SLC16A7: variants seen among roughly 807,000 people sequenced by gnomAD.
SLC16A7 encodes monocarboxylate transporter 2.
Under a neutral mutation model 34.9 loss-of-function variants are expected in SLC16A7, and 33 were observed. The observed-to-expected ratio is 0.94, with a 90% CI of 0.72 to 1.26. The LOEUF (loss-of-function observed/expected upper bound fraction) is 1.26. SLC16A7 is among the 50% of genes most tolerant of loss of function. The pLI, the probability that SLC16A7 is intolerant of heterozygous loss-of-function variation, is 0.00. For missense variants in SLC16A7, 573 were observed against 578.1 expected (o/e 0.99, Z 0.09); for synonymous variants, 201 against 206.6 (o/e 0.97, Z 0.23).
At chr12:59,606,682 A>G (rs1394424067) in intron 1 of SLC16A7, among the ~76,000 whole-genome samples, 1 of 152,196 alleles carries the variant, frequency 6.6e-6, no homozygotes, top group Non-Finnish European at 1.5e-5. Context: ...CTTGGCTCCC[A>G]TACCTTAAAT....
chr12:59,614,054 C>CTTT (rs373589268), intron 1 of SLC16A7, among the ~76,000 whole-genome samples: 5 of 136,824 alleles, frequency 3.7e-5, no homozygotes, highest in Non-Finnish European at 4.8e-5. Flanking sequence ...GAATGAGAGC[C>CTTT]TTTTTTTTTT....
intron 2 of SLC16A7, among the ~76,000 whole-genome samples, chr12:59,704,115 G>C (rs1416245467): frequency 4.1e-5 from 6 of 144,970 alleles, no homozygotes; most frequent in Non-Finnish European, 8.9e-5. Context: ...CAGGAGGATC[G>C]CTTGAACCTG....
chr12:59,729,603 C>T (rs189353649), intron 3 of SLC16A7, among the ~76,000 whole-genome samples: 7 of 152,212 alleles, frequency 4.6e-5, no homozygotes, highest in Non-Finnish European at 8.8e-5. Flanking sequence ...CCTTTCCCTC[C>T]CCACCCCTTA....
chr12:59,779,330 G>T, intron 5 of SLC16A7, 93 bp from the exon 6 acceptor site: 1 of 940,786 alleles, frequency 1.1e-6, no homozygotes. Context: ...ATTTAAATAA[G>T]AGGAATATAC....
chr12:59,596,870 A>G lies in SLC16A7; in HGVS notation c.-130+634A>G, dbSNP rs1023490875. ...CCCCAGGAAGGATGGCAGGGGTGGA[A>G]GCAGATGGAAAACTATATGCGGGCG... On this transcript the variant is annotated intron_variant, in intron 1 of 5. Transcript: ENST00000547379. This position sits in a 1 kb window ranked among gnomAD's most constrained non-coding sequence, Gnocchi z 5.0. 6.6e-6 allele frequency among the ~76,000 whole-genome samples: 1 copy of G among 152,120 alleles called. No individual in the cohort carries two copies. Among genetic ancestry groups the G allele is most frequent in the Non-Finnish European group, 1.5e-5 (1 of 68,022 alleles).
At chr12:59,628,309 A>G (rs750331623) in intron 1 of SLC16A7, among the ~76,000 whole-genome samples, 23 of 151,860 alleles carry the variant, frequency 1.5e-4, no homozygotes, top group South Asian at 4.1e-4. Flanking sequence ...ATATATTTTT[A>G]GTGTAAATTT....
chr12:59,631,324 A>C (rs1010959589), intron 1 of SLC16A7, among the ~76,000 whole-genome samples: 3 of 151,888 alleles, frequency 2.0e-5, no homozygotes, highest in Non-Finnish European at 4.4e-5. Flanking sequence ...CAGAAGACAA[A>C]CCTCAAACAT....
chr12:59,775,096 C>A lies in SLC16A7; in HGVS notation c.801C>A (p.Phe267Leu). ...TAGGTTTTTTTGCCCCCATTATATTCTTGGCTCCATATGCTAAAGACCAAG... is the reference window on the plus strand; with the variant it reads ...TAGGTTTTTTTGCCCCCATTATATTATTGGCTCCATATGCTAAAGACCAAG... The part of the protein sequence containing the change: ...MFLGFFAPII[F>L]LAPYAKDQGI... The change falls in exon 5 of 6, where the codon TTC becomes TTA. Residue 267 changes from phenylalanine (F) to leucine (L), a missense_variant. Transcript: ENST00000547379. The A allele has an allele frequency of 6.2e-7, 1 of 1,614,096 alleles. No homozygotes were observed. The highest frequency in any genetic ancestry group is 8.5e-7 in the Non-Finnish European group (1 of 1,180,000).
intron 2 of SLC16A7, among the ~76,000 whole-genome samples, chr12:59,704,525 A>G (rs117886422): frequency 7.2e-5 from 11 of 152,264 alleles, no homozygotes; most frequent in Non-Finnish European, 1.5e-4. Flanking sequence ...CTTCACTTTG[A>G]GTAATTTTTG....
chr12:59,784,572 C>G lies in SLC16A7; in HGVS notation c.*4893C>G, dbSNP rs1261489900. On this transcript the variant is annotated 3_prime_UTR_variant, in exon 6 of 6. Coordinates refer to ENST00000547379, the MANE Select transcript of SLC16A7 (RefSeq NM_001270623.2). ...ACCGTAGCTTATTTTTCAAGTTTCT[C>G]TGAACATCTTTGTTGTCATTCACCT... The G allele has an allele frequency of 6.6e-6, 1 of 152,140 alleles. No individual in the cohort carries two copies. Among genetic ancestry groups the G allele is most frequent in the Non-Finnish European group, 1.5e-5 (1 of 68,014 alleles). 9.4% of individuals were successfully genotyped at this position (152,140 alleles called of 1,614,324 possible).
chr12:59,672,893 G>T (rs1009664263), intron 2 of SLC16A7, among the ~76,000 whole-genome samples: 1 of 152,086 alleles, frequency 6.6e-6, no homozygotes, highest in Non-Finnish European at 1.5e-5. Context: ...TACCTGGATG[G>T]AAGGCTGTGC....
At chr12:59,686,098 T>TC (rs940456895) in intron 2 of SLC16A7, among the ~76,000 whole-genome samples, 35 of 84,840 alleles carry the variant, frequency 4.1e-4, no homozygotes, top group Admixed American at 1.2e-3. Flanking sequence ...AACTTTTCTT[T>TC]TTTTTTTTTT....
chr12:59,764,354 T>C (rs1004242683), intron 3 of SLC16A7, among the ~76,000 whole-genome samples: 2 of 152,184 alleles, frequency 1.3e-5, no homozygotes, highest in African/African-American at 2.4e-5. Flanking sequence ...TATTATACTT[T>C]AAGTTTTAGA....
intron 1 of SLC16A7, among the ~76,000 whole-genome samples, chr12:59,620,545 T>C (rs1411561776): frequency 6.6e-6 from 1 of 151,964 alleles, no homozygotes; most frequent in Admixed American, 6.6e-5. Context: ...ACTAAGGCCT[T>C]TCTAGTCACT....
At position 59,774,771 on chromosome 12, in the gene SLC16A7, G is replaced by C; in HGVS notation, c.476G>C (p.Ser159Thr). The change falls in exon 5 of 6, where the codon AGT becomes ACT. Residue 159 changes from serine (S) to threonine (T), a missense_variant. By Grantham distance (58) the Ser-to-Thr change is moderately conservative. Coordinates refer to ENST00000547379, the MANE Select transcript of SLC16A7 (RefSeq NM_001270623.2). Reference protein sequence around the residue: ...LAMAGSPVFLSSLAPFNQYLF... With the variant: ...LAMAGSPVFLTSLAPFNQYLF... ...ATGGCAGGAAGTCCTGTTTTCTTAA[G>C]TTCATTGGCTCCTTTCAATCAGTAC... 2.5e-6 allele frequency: 4 copies of C among 1,613,976 alleles called. No individual in the cohort carries two copies. The highest frequency in any genetic ancestry group is 3.4e-6 in the Non-Finnish European group (4 of 1,179,948).
In SLC16A7 at chr12:59,596,915, A is replaced by G. The variant is rs1878433983; in HGVS notation, c.-130+679A>G. On this transcript the variant is annotated intron_variant, in intron 1 of 5. Transcript: ENST00000547379. This position sits in a 1 kb window ranked among gnomAD's most constrained non-coding sequence, Gnocchi z 5.0. ...CGGGCGAGGCCTGAGCCCAGGCAGA[A>G]AGGGACCTCTGACTTGGCAAGGGTT... is the stretch of plus-strand genomic sequence containing the variant. 6.6e-6 allele frequency: 1 copy of G among 152,354 alleles called. No individual in the cohort carries two copies. Among genetic ancestry groups the G allele is most frequent in the Non-Finnish European group, 1.5e-5 (1 of 68,172 alleles). 9.4% of individuals were successfully genotyped at this position (152,354 alleles called of 1,614,324 possible). A position where few individuals can be genotyped will look rare whatever the true frequency, so the allele number is the denominator to read the frequency against.
chr12:59,726,636 T>C (rs1392380381), intron 3 of SLC16A7, among the ~76,000 whole-genome samples: 2 of 152,104 alleles, frequency 1.3e-5, no homozygotes, highest in Non-Finnish European at 2.9e-5. Flanking sequence ...TAAATAACAT[T>C]AAAAATTAAA....
At chr12:59,641,599 C>T (rs969120145) in intron 1 of SLC16A7, among the ~76,000 whole-genome samples, 6 of 151,614 alleles carry the variant, frequency 4.0e-5, no homozygotes, top group Admixed American at 2.0e-4. Context: ...AAAATTAGTC[C>T]GTTGTACAAA....
intron 3 of SLC16A7, among the ~76,000 whole-genome samples, chr12:59,739,074 G>A (rs1171247129): frequency 6.7e-6 from 1 of 149,736 alleles, no homozygotes; most frequent in Non-Finnish European, 1.5e-5. Flanking sequence ...TAAGTTTTAG[G>A]GTACATGTGC....
Sources: gnomAD v4.1 joint callset for allele counts (sites outside exome capture counted in the v4.1 genomes callset) on GRCh38, gnomAD v4.1.1 for gene constraint, Gnocchi (gnomAD v3.1) non-coding constraint, MANE v1.5 for transcripts, NCBI Gene and HGNC (gene_info 2026-07-23, HGNC 2026-07-21) for gene names.